The following GPC5 variants were observed in gnomAD, a reference collection of about 807,000 sequenced individuals.
The protein encoded by GPC5 is glypican-5.
In GPC5, 47 loss-of-function variants were observed where a neutral mutation model predicts 53.9. The ratio of observed to expected loss-of-function variants is 0.87; its 90% CI spans 0.69 to 1.11. GPC5 has a LOEUF of 1.11. Ranked by LOEUF, GPC5 falls within the 50% of genes most tolerant of loss-of-function variation. The pLI, the probability that GPC5 is intolerant of heterozygous loss-of-function variation, is 0.00. For missense variants in GPC5, 748 were observed against 713.1 expected, an observed-to-expected ratio of 1.05 and a Z score of -0.56; for synonymous variants, 286 against 263.3, an observed-to-expected ratio of 1.09 and a Z score of -0.84.
chr13:91,707,583 T>C (rs1319094740), intron 3 of GPC5, among the ~76,000 whole-genome samples: 1 of 152,138 alleles, frequency 6.6e-6, no homozygotes, highest in Non-Finnish European at 1.5e-5. Context: ...ATCGCGCCAC[T>C]GCACTCCAGC....
rs1594206249 is a variant in GPC5 at position 92,443,015 on chromosome 13, A to G, written c.1561+298026A>G. Among the ~76,000 whole-genome samples, 3 of 152,292 alleles carry G rather than the reference A, an allele frequency of 2.0e-5. 1 individual carries two copies. Among genetic ancestry groups the G allele is most frequent in the South Asian group, 4.1e-4 (2 of 4,830 alleles). On this transcript the variant is annotated intron_variant, in intron 7 of 7. Coordinates refer to ENST00000377067, the MANE Select transcript of GPC5 (RefSeq NM_004466.6). The stretch of plus-strand genomic sequence containing the variant: ...ACCGGAGGCTGGGTAATTTATAAAT[A>G]AAAGAGGTTAATTTTGGCTCACAAC...
chr13:92,127,845 G>GA (rs1566447301), intron 6 of GPC5, among the ~76,000 whole-genome samples: 1 of 151,992 alleles, frequency 6.6e-6, no homozygotes, highest in Non-Finnish European at 1.5e-5. Context: ...TATTTTCAAA[G>GA]AAAAAAGCAC....
chr13:92,045,051 A>G (rs1230788633), intron 6 of GPC5, among the ~76,000 whole-genome samples: 1 of 152,228 alleles, frequency 6.6e-6, no homozygotes, highest in Non-Finnish European at 1.5e-5. Flanking sequence ...TTATAGATGC[A>G]TAGTTGGTTT....
chr13:91,809,366 C>A (rs2138799388), intron 5 of GPC5, among the ~76,000 whole-genome samples: 1 of 152,218 alleles, frequency 6.6e-6, no homozygotes, highest in African/African-American at 2.4e-5. Context: ...TAACTGACAA[C>A]CAATGATGAA....
At position 92,866,362 on chromosome 13, in the gene GPC5, G is replaced by A; in HGVS notation, c.1642G>A (p.Ala548Thr). ...DTGSTLDTTG[A>T]GCAVATESMT... ...TGGCAGTACTTTAGACACAACAGGAGCAGGATGTGCAGTGGCGACTGAATC... is the reference window on the plus strand; with the variant it reads ...TGGCAGTACTTTAGACACAACAGGAACAGGATGTGCAGTGGCGACTGAATC... Residue 548 changes from alanine (A) to threonine (T), a missense_variant, in exon 8 of 8, where the codon GCA (alanine) becomes ACA (threonine). By Grantham distance (58) the Ala-to-Thr change is moderately conservative (BLOSUM62 0). Coordinates refer to ENST00000377067, the MANE Select transcript of GPC5 (RefSeq NM_004466.6). The A allele has an allele frequency of 1.9e-6, 3 of 1,613,154 alleles. No individual in the cohort carries two copies. The highest frequency in any genetic ancestry group is 2.5e-6 in the Non-Finnish European group (3 of 1,179,336).
At chr13:92,619,817 T>C (rs891909658) in intron 7 of GPC5, among the ~76,000 whole-genome samples, 2 of 152,006 alleles carry the variant, frequency 1.3e-5, no homozygotes, top group African/African-American at 4.8e-5. Flanking sequence ...GCAAAAGTTA[T>C]ACCAAAGTGA....
intron 2 of GPC5, among the ~76,000 whole-genome samples, chr13:91,653,429 A>C (rs2034766954): frequency 6.6e-6 from 1 of 152,150 alleles, no homozygotes; most frequent in Non-Finnish European, 1.5e-5. Context: ...GGGTACAAAA[A>C]ATAGAAAGAA....
At chr13:91,733,698 G>A (rs1342306562) in intron 4 of GPC5, among the ~76,000 whole-genome samples, 1 of 152,172 alleles carries the variant, frequency 6.6e-6, no homozygotes, top group Non-Finnish European at 1.5e-5. Context: ...AGACTTTGCT[G>A]AAGTTGCCTA....
At chr13:92,039,580 T>C (rs1022199880) in intron 6 of GPC5, among the ~76,000 whole-genome samples, 11 of 152,342 alleles carry the variant, frequency 7.2e-5, no homozygotes, top group African/African-American at 2.6e-4. Flanking sequence ...TGTATTAGGC[T>C]GTTGGAGCTG....
intron 3 of GPC5, among the ~76,000 whole-genome samples, chr13:91,712,524 G>T (rs575713859): frequency 6.6e-6 from 1 of 152,126 alleles, no homozygotes; most frequent in Admixed American, 6.6e-5. Flanking sequence ...TTCGTCATTT[G>T]TTGATCAACA....
chr13:92,285,066 G>A (rs145004618), intron 7 of GPC5, among the ~76,000 whole-genome samples: 10,150 of 152,106 alleles, frequency 0.067, 390 homozygotes, highest in Non-Finnish European at 0.086. Flanking sequence ...AAATCAATGT[G>A]CAAAAATCAC....
chr13:91,958,709 A>G (rs923565065), intron 6 of GPC5, among the ~76,000 whole-genome samples: 3 of 152,084 alleles, frequency 2.0e-5, no homozygotes, highest in African/African-American at 7.2e-5. Flanking sequence ...AACATTAGAA[A>G]TCCATAACAA....
At chr13:92,603,456 A>G (rs1228806158) in intron 7 of GPC5, among the ~76,000 whole-genome samples, 1 of 152,164 alleles carries the variant, frequency 6.6e-6, no homozygotes, top group Non-Finnish European at 1.5e-5. Context: ...TACTAAACCT[A>G]GATTGTATGA....
intron 5 of GPC5, among the ~76,000 whole-genome samples, chr13:91,788,160 G>A (rs1392100986): frequency 6.6e-6 from 1 of 152,222 alleles, no homozygotes; most frequent in Non-Finnish European, 1.5e-5. Flanking sequence ...AGGCAGGGCA[G>A]TCCAAGAACA....
At chr13:91,913,649 C>T (rs2039632067) in intron 6 of GPC5, among the ~76,000 whole-genome samples, 1 of 152,128 alleles carries the variant, frequency 6.6e-6, no homozygotes. Context: ...GCAAATCCTT[C>T]TGAATTGAGA....
chr13:91,775,366 T>C (rs972742539), intron 5 of GPC5, among the ~76,000 whole-genome samples: 2 of 152,156 alleles, frequency 1.3e-5, no homozygotes, highest in South Asian at 2.1e-4. Context: ...GGCCTCATTT[T>C]TCCCCCCTCT....
intron 7 of GPC5, among the ~76,000 whole-genome samples, chr13:92,162,495 C>A (rs1185241712): frequency 6.6e-6 from 1 of 152,094 alleles, no homozygotes; most frequent in East Asian, 1.9e-4. Context: ...AACATGAAGG[C>A]TTCTCAAAGG....
chr13:91,870,054 T>C (rs1346707775), intron 5 of GPC5, among the ~76,000 whole-genome samples: 1 of 152,220 alleles, frequency 6.6e-6, no homozygotes, highest in African/African-American at 2.4e-5. Flanking sequence ...CATGACTTTG[T>C]GAGAATGATT....
At chr13:92,374,322 T>C (rs2043674896) in intron 7 of GPC5, among the ~76,000 whole-genome samples, 1 of 152,172 alleles carries the variant, frequency 6.6e-6, no homozygotes. Context: ...ATTCCATAGC[T>C]GGGAGCAGTA....
Sources: allele counts gnomAD v4.1 joint callset (sites outside exome capture counted in the v4.1 genomes callset), GRCh38; gene constraint gnomAD v4.1.1; transcripts MANE v1.5; gene names NCBI Gene and HGNC (gene_info 2026-07-23, HGNC 2026-07-21).